Variants in UPF2 observed in about 807,000 individuals in gnomAD.
The protein encoded by UPF2 is UPF2 regulator of nonsense mediated mRNA decay.
A neutral mutation model predicts 141.4 loss-of-function variants in UPF2; 17 were observed. The observed-to-expected ratio is 0.12, with a 90% CI of 0.08 to 0.18. The LOEUF (loss-of-function observed/expected upper bound fraction) is 0.18. Among genes scored for constraint, UPF2 ranks in the 10% least tolerant of loss-of-function variants. The pLI, the probability that UPF2 is intolerant of heterozygous loss-of-function variation, is 1.00. For synonymous variants in UPF2, 540 were observed against 498.0 expected, an observed-to-expected ratio of 1.08 and a Z score of -1.12; for missense variants, 1,152 against 1,515.9, an observed-to-expected ratio of 0.76 and a Z score of 3.99.
chr10:11,955,145 A>C (rs1042994314), intron 14 of UPF2, 87 bp downstream of exon 14: 1 of 1,262,212 alleles, frequency 7.9e-7, no homozygotes, highest in Non-Finnish European at 1.0e-6. Flanking sequence ...ATATATGAAT[A>C]CCATAACGTT....
At chr10:11,968,496 C>T (rs560939770) in intron 9 of UPF2, among the ~76,000 whole-genome samples, 1 of 152,164 alleles carries the variant, frequency 6.6e-6, no homozygotes, top group Non-Finnish European at 1.5e-5. Flanking sequence ...AAGTGCTCAC[C>T]TAAGCAAAAC....
intron 13 of UPF2, among the ~76,000 whole-genome samples, chr10:11,955,922 A>G (rs1379854951): frequency 6.6e-6 from 1 of 152,140 alleles, no homozygotes; most frequent in Non-Finnish European, 1.5e-5. Flanking sequence ...ACAGGTGATC[A>G]CCTACGGTCA....
rs771077605 is a variant in UPF2 at position 12,029,528 on chromosome 10, T to C, written c.366-4A>G. On this transcript the variant is annotated splice_polypyrimidine_tract_variant and splice_region_variant and intron_variant, in intron 2 of 21. Coordinates refer to ENST00000357604, the MANE Select transcript of UPF2 (RefSeq NM_015542.4). ...CTGAATGGATTCTTCTTTTTCTCTA[T>C]ATAAAAACAAACAAATAAATAAAAT... 1.9e-6 allele frequency: 3 copies of C among 1,566,974 alleles called. No homozygotes were observed. Among genetic ancestry groups the C allele is most frequent in the East Asian group, 2.2e-5 (1 of 44,514 alleles).
chr10:11,999,961 A>G lies in UPF2; in HGVS notation c.1703T>C (p.Val568Ala), dbSNP rs1366077992. The change falls in exon 7 of 22, where the codon GTA becomes GCA. Residue 568 changes from valine (V) to alanine (A), a missense_variant. By Grantham distance (64) the Val-to-Ala change is moderately conservative. Around this residue, in one of 4 missense-constraint regions of UPF2, gnomAD observed 739 missense variants for 1,032.2 expected, o/e 0.72. Transcript: ENST00000357604. ...ASTGSHLKLI[V>A]DAFLQQLPNC... ...GGGTAACTGCTGTAGGAAAGCATCTACTATGAGCTTGAGATGAGATCCAGT... is the reference window on the plus strand; with the variant it reads ...GGGTAACTGCTGTAGGAAAGCATCTGCTATGAGCTTGAGATGAGATCCAGT... 1 of 1,613,672 alleles carries G rather than the reference A, an allele frequency of 6.2e-7. No individual in the cohort carries two copies. Among genetic ancestry groups the G allele is most frequent in the Non-Finnish European group, 8.5e-7 (1 of 1,179,932 alleles).
intron 10 of UPF2, 39 bp from the exon 11 acceptor site, chr10:11,964,164 C>A: frequency 6.8e-7 from 1 of 1,461,836 alleles, no homozygotes; most frequent in Non-Finnish European, 9.5e-7. Flanking sequence ...AAAGGCAACT[C>A]TTCAATCCTA....
chr10:12,009,938 T>A (rs1301806138), intron 4 of UPF2, among the ~76,000 whole-genome samples: 1 of 152,128 alleles, frequency 6.6e-6, no homozygotes, highest in Admixed American at 6.6e-5. Flanking sequence ...GGAAAATAAC[T>A]ACTGAAAAGA....
chr10:11,989,871 G>A (rs1275456633), intron 8 of UPF2, among the ~76,000 whole-genome samples: 1 of 152,026 alleles, frequency 6.6e-6, no homozygotes, highest in East Asian at 1.9e-4. Context: ...CTCCTGAAAG[G>A]GTAGTCTAGG....
intron 3 of UPF2, among the ~76,000 whole-genome samples, chr10:12,018,223 C>T (rs1190612569): frequency 6.6e-6 from 1 of 152,030 alleles, no homozygotes; most frequent in Admixed American, 6.6e-5. Flanking sequence ...CAAGGAGGGC[C>T]GATTGCTTGA....
chr10:11,999,040 A>AC (rs397953959), intron 7 of UPF2, among the ~76,000 whole-genome samples: 4 of 150,310 alleles, frequency 2.7e-5, no homozygotes, highest in Non-Finnish European at 5.9e-5. Flanking sequence ...AAAAAAAAAA[A>AC]CTCATTTGTA....
Position 11,956,587 on chromosome 10 carries a change from C to A in UPF2, c.2371-64G>T, listed in dbSNP as rs904213071. On this transcript the variant is annotated intron_variant, in intron 12 of 21. Coordinates refer to ENST00000357604, the MANE Select transcript of UPF2 (RefSeq NM_015542.4). The surrounding 1 kb of genome is among the most constrained non-coding windows in gnomAD (Gnocchi z 4.2). ...TACACAGTAGCCTGACCAAATAATA[C>A]AGAAATTTTGCTATGATTGCGCAGA... 1.3e-6 allele frequency: 2 copies of A among 1,494,508 alleles called. No individual in the cohort carries two copies. The highest frequency in any genetic ancestry group is 4.5e-5 in the East Asian group (2 of 44,208). The allele number at this position is 1,494,508 out of a possible 1,614,324, so 92.6% of individuals were successfully genotyped here.
At chr10:11,927,017 T>C (rs1358712178) in intron 21 of UPF2, among the ~76,000 whole-genome samples, 1 of 152,178 alleles carries the variant, frequency 6.6e-6, no homozygotes, top group Non-Finnish European at 1.5e-5. Context: ...CTTAACAGAC[T>C]CTCACCCAAG....
Position 11,992,143 on chromosome 10 carries a change from C to CA in UPF2, c.1844+5528dup, listed in dbSNP as rs111374153. Among the ~76,000 whole-genome samples, 1,790 of 138,100 alleles carry CA rather than the reference C, an allele frequency of 0.013. 42 individuals carry two copies. The highest frequency in any genetic ancestry group is 0.042 in the African/African-American group (1,555 of 37,338). The allele number at this position is 138,100 out of a possible 152,430, so 90.6% of individuals were successfully genotyped here. On this transcript the variant is annotated intron_variant, in intron 8 of 21. Transcript: ENST00000357604. The surrounding 1 kb of genome is among the most constrained non-coding windows in gnomAD (Gnocchi z 4.1). ...TGGGCAATAGAGCAAAACTCAGTCT[C>CA]AAAAAAAAAAATGAAAATGACCTTC...
chr10:12,020,536 A>G (rs1381828150), intron 3 of UPF2, among the ~76,000 whole-genome samples: 1 of 152,222 alleles, frequency 6.6e-6, no homozygotes, highest in Non-Finnish European at 1.5e-5. Flanking sequence ...AGTTTAACAT[A>G]AAAATTTATA....
chr10:11,927,412 G>A (rs117037564), intron 21 of UPF2, among the ~76,000 whole-genome samples: 5 of 152,254 alleles, frequency 3.3e-5, no homozygotes, highest in South Asian at 2.1e-4. Flanking sequence ...GGCAAAAACC[G>A]CATTACTTTT....
intron 7 of UPF2, among the ~76,000 whole-genome samples, chr10:11,999,321 A>C (rs1159334483): frequency 1.3e-5 from 2 of 151,962 alleles, no homozygotes; most frequent in African/African-American, 2.4e-5. Context: ...AGACCAGCCC[A>C]GCCAATATGA....
chr10:11,929,940 T>C lies in UPF2; in HGVS notation c.3734A>G (p.Asn1245Ser). 9 of 1,614,196 alleles carry C rather than the reference T, an allele frequency of 5.6e-6. No individual in the cohort carries two copies. The highest frequency in any genetic ancestry group is 6.8e-6 in the Non-Finnish European group (8 of 1,180,024). ...LAQRPAPANTNRERRPRYQHP... is the reference protein window; with the variant it reads ...LAQRPAPANTSRERRPRYQHP... The stretch of plus-strand genomic sequence containing the variant: ...TTGGTAGCGAGGCCGCCTCTCACGA[T>C]TGGTGTTTGCTGGAGCTGGGCGCTG... Residue 1245 changes from asparagine to serine, a missense_variant, in exon 21 of 22, where the codon AAT (asparagine) becomes AGT (serine). Around this residue, in one of 4 missense-constraint regions of UPF2, gnomAD observed 66 missense variants for 123.5 expected, o/e 0.53. Coordinates refer to ENST00000357604, the MANE Select transcript of UPF2 (RefSeq NM_015542.4).
intron 21 of UPF2, among the ~76,000 whole-genome samples, chr10:11,923,755 C>T (rs985109340): frequency 2.6e-5 from 4 of 151,856 alleles, no homozygotes; most frequent in African/African-American, 9.7e-5. Context: ...ACAAGAATTG[C>T]TTGAACTCGG....
At chr10:11,944,710 C>A (rs765560075) in intron 16 of UPF2, among the ~76,000 whole-genome samples, 1 of 152,186 alleles carries the variant, frequency 6.6e-6, no homozygotes. Flanking sequence ...CCATCCTTTA[C>A]GTTTCATATT....
At chr10:11,990,784 C>T (rs1833766328) in intron 8 of UPF2, among the ~76,000 whole-genome samples, 1 of 151,346 alleles carries the variant, frequency 6.6e-6, no homozygotes, top group South Asian at 2.1e-4. Flanking sequence ...GTCAGGAGAT[C>T]GAGACCATCC....
Sources: gnomAD v4.1 joint callset for allele counts (sites outside exome capture counted in the v4.1 genomes callset) on GRCh38, gnomAD v4.1.1 for gene constraint, gnomAD v4.1.1 regional missense constraint, Gnocchi (gnomAD v3.1) non-coding constraint, MANE v1.5 for transcripts, NCBI Gene and HGNC (gene_info 2026-07-23, HGNC 2026-07-21) for gene names.